COLGALT2: variants seen among roughly 807,000 people sequenced by gnomAD.
COLGALT2 encodes the protein procollagen galactosyltransferase 2.
COLGALT2 carries 49 observed loss-of-function variants against 73.4 expected under a neutral mutation model. That is an observed-to-expected ratio of 0.67 (90% confidence interval 0.53 to 0.85). The LOEUF (loss-of-function observed/expected upper bound fraction) is 0.85, where lower values mean the gene tolerates loss of function less well. Among genes scored for constraint, COLGALT2 ranks in the 40% least tolerant of loss-of-function variants. The probability of loss-of-function intolerance (pLI) is 0.00; values close to 1 mark genes in which losing one functional copy is unlikely to be tolerated. For synonymous variants in COLGALT2, 295 were observed against 307.6 expected, an observed-to-expected ratio of 0.96 and a Z score of 0.43; for missense variants, 722 against 790.2, an observed-to-expected ratio of 0.91 and a Z score of 1.03.
chr1:183,973,834 C>G lies in COLGALT2; in HGVS notation c.493-84G>C, dbSNP rs138431545. 8,066 of 1,339,232 alleles carry G rather than the reference C, an allele frequency of 6.0e-3. 35 individuals are homozygous for G. Among genetic ancestry groups the G allele is most frequent in the Non-Finnish European group, 7.4e-3 (7,157 of 962,252 alleles). 83.0% of individuals were successfully genotyped at this position (1,339,232 alleles called of 1,614,324 possible). A position where few individuals can be genotyped will look rare whatever the true frequency, so the allele number is the denominator to read the frequency against. On this transcript the variant is annotated intron_variant, in intron 3 of 11. Transcript: ENST00000361927. The stretch of plus-strand genomic sequence containing the variant: ...AATAACCCAGCCCTTCTGAAGGATC[C>G]CAGAAACTTGCTCATGACATATGGA...
intron 1 of COLGALT2, among the ~76,000 whole-genome samples, chr1:184,031,492 A>T (rs1649508285): frequency 6.6e-6 from 1 of 152,226 alleles, no homozygotes. Flanking sequence ...GGAAATGACA[A>T]TTCTTATTTG....
intron 1 of COLGALT2, among the ~76,000 whole-genome samples, chr1:184,032,541 T>G (rs1193751455): frequency 1.3e-5 from 2 of 152,202 alleles, no homozygotes; most frequent in African/African-American, 4.8e-5. Flanking sequence ...GCTTGTATAT[T>G]TCTTCCTCCA....
chr1:183,977,781 C>T (rs1449390524), intron 2 of COLGALT2, among the ~76,000 whole-genome samples: 2 of 135,448 alleles, frequency 1.5e-5, no homozygotes, highest in Non-Finnish European at 3.1e-5. Flanking sequence ...CAGAGTGAGA[C>T]CCTGTCTTGA....
At chr1:184,036,346 A>G (rs1404078164) in intron 1 of COLGALT2, among the ~76,000 whole-genome samples, 1 of 152,122 alleles carries the variant, frequency 6.6e-6, no homozygotes, top group Non-Finnish European at 1.5e-5. Context: ...ACCAGGTCCA[A>G]GCTTCTTTCC....
chr1:183,931,955 C>T (rs1669857053), downstream of COLGALT2, among the ~76,000 whole-genome samples: 1 of 151,816 alleles, frequency 6.6e-6, no homozygotes, highest in African/African-American at 2.4e-5. Flanking sequence ...GATTTCTGAT[C>T]CTCATTTATT....
At chr1:184,019,783 ACAGTATT>A (rs1480669704) in intron 1 of COLGALT2, among the ~76,000 whole-genome samples, 2 of 152,190 alleles carry the variant, frequency 1.3e-5, no homozygotes, top group Non-Finnish European at 1.5e-5. Flanking sequence ...TCAAAAGTGG[ACAGTATT>A]CAAATGATTT....
chr1:184,018,642 C>T (rs1370045493), intron 1 of COLGALT2, among the ~76,000 whole-genome samples: 3 of 151,908 alleles, frequency 2.0e-5, no homozygotes, highest in Admixed American at 2.0e-4. Context: ...TCTTTTTTTA[C>T]CTTGAAAATC....
chr1:183,967,292 T>C (rs1670907027), intron 5 of COLGALT2, among the ~76,000 whole-genome samples: 1 of 152,246 alleles, frequency 6.6e-6, no homozygotes, highest in Non-Finnish European at 1.5e-5. Context: ...TGACTATTAG[T>C]TGTGTTTTCA....
intron 1 of COLGALT2, among the ~76,000 whole-genome samples, chr1:184,033,259 G>A (rs1649571813): frequency 6.6e-6 from 1 of 152,214 alleles, no homozygotes; most frequent in Non-Finnish European, 1.5e-5. Flanking sequence ...ATAGGTTTAA[G>A]GAGGATGAGG....
At chr1:184,036,978 G>GC (rs551256629) in intron 1 of COLGALT2, 117 bp downstream of exon 1, 133 of 880,706 alleles carry the variant, frequency 1.5e-4, no homozygotes, top group African/African-American at 8.0e-4. Context: ...TTTTCCGCGT[G>GC]CCCCCCCGCC....
At chr1:184,014,236 G>A (rs1285620532) in intron 1 of COLGALT2, among the ~76,000 whole-genome samples, 2 of 152,156 alleles carry the variant, frequency 1.3e-5, no homozygotes, top group African/African-American at 4.8e-5. Flanking sequence ...CCACTTTTAA[G>A]AAACATGTAT....
At chr1:184,036,537 C>A (rs1388589657) in intron 1 of COLGALT2, among the ~76,000 whole-genome samples, 1 of 151,788 alleles carries the variant, frequency 6.6e-6, no homozygotes, top group Non-Finnish European at 1.5e-5. Context: ...AGGTCCAGGT[C>A]CCCCTAGGAG....
chr1:184,022,770 C>T (rs1156869679), intron 1 of COLGALT2, among the ~76,000 whole-genome samples: 1 of 152,224 alleles, frequency 6.6e-6, no homozygotes, highest in African/African-American at 2.4e-5. Flanking sequence ...GGGCAGAAAT[C>T]GTTTCACCCT....
intron 1 of COLGALT2, among the ~76,000 whole-genome samples, chr1:183,991,795 T>C (rs1284487830): frequency 6.6e-6 from 1 of 152,168 alleles, no homozygotes; most frequent in Non-Finnish European, 1.5e-5. Flanking sequence ...AGTCATATTT[T>C]TGAGGAGTCT....
At chr1:183,987,141 C>A (rs183170095) in intron 1 of COLGALT2, among the ~76,000 whole-genome samples, 2 of 152,292 alleles carry the variant, frequency 1.3e-5, no homozygotes, top group Non-Finnish European at 2.9e-5. Flanking sequence ...GAGTCACAAC[C>A]CTTGGAATTC....
intron 1 of COLGALT2, among the ~76,000 whole-genome samples, chr1:183,987,642 T>A (rs1671524242): frequency 6.6e-6 from 1 of 152,252 alleles, no homozygotes; most frequent in Non-Finnish European, 1.5e-5. Context: ...TAAGCACTTA[T>A]CATGAGTTTG....
chr1:183,964,895 T>G (rs1483666810), intron 5 of COLGALT2, among the ~76,000 whole-genome samples: 3 of 152,178 alleles, frequency 2.0e-5, no homozygotes. Flanking sequence ...GGTCCATGTA[T>G]CCAAGCCTGT....
At chr1:183,934,571 C>T (rs978792692), downstream of COLGALT2, among the ~76,000 whole-genome samples, 1 of 152,208 alleles carries the variant, frequency 6.6e-6, no homozygotes, top group South Asian at 2.1e-4. Context: ...TCTCATATAG[C>T]CAGCCTCATT....
chr1:183,965,999 C>T (rs1277550597), intron 5 of COLGALT2, among the ~76,000 whole-genome samples: 3 of 152,124 alleles, frequency 2.0e-5, no homozygotes, highest in Non-Finnish European at 4.4e-5. Context: ...ACAAATAATG[C>T]CCACGGTGAA....
Sources: allele counts gnomAD v4.1 joint callset (sites outside exome capture counted in the v4.1 genomes callset), GRCh38; gene constraint gnomAD v4.1.1; transcripts MANE v1.5; gene names NCBI Gene and HGNC (gene_info 2026-07-23, HGNC 2026-07-21).